Variants in NLRX1 observed in about 807,000 individuals in gnomAD.
NLRX1 encodes NLR family member X1, also known as NOD-like receptor X1.
In NLRX1, 67 loss-of-function variants were observed where a neutral mutation model predicts 74.2. That is an observed-to-expected ratio of 0.90 (90% CI 0.74 to 1.11). NLRX1 has a LOEUF of 1.11. Ranked by LOEUF, NLRX1 falls within the 50% of genes least tolerant of loss-of-function variation. The probability of loss-of-function intolerance (pLI) is 0.00; values close to 1 mark genes in which losing one functional copy is unlikely to be tolerated. For missense variants in NLRX1, 1,191 were observed against 1,305.4 expected (o/e 0.91, Z 1.35); for synonymous variants, 506 against 559.1 (o/e 0.91, Z 1.34).
rs896823609 is a variant in NLRX1 at position 119,180,149 on chromosome 11, C to T, written c.2128C>T (p.Pro710Ser). Residue 710 changes from proline to serine, a missense_variant, in exon 7 of 10, where the codon CCA (proline) becomes TCA (serine). Coordinates refer to ENST00000409109, the MANE Select transcript of NLRX1 (RefSeq NM_001282144.2). ...QLNLAGVRMT[P>S]VKCTVVAAVL... The stretch of plus-strand genomic sequence containing the variant: ...CAACCTGGCAGGTGTGCGCATGACA[C>T]CAGTCAAGTGCACAGTGGTGGCAGC... 3.1e-6 allele frequency: 5 copies of T among 1,613,262 alleles called. No individual in the cohort carries two copies. In the African/African-American group the frequency reaches 5.3e-5, roughly 17 times the overall value.
chr11:119,169,804 A>G (rs1178945211), intron 1 of NLRX1, among the ~76,000 whole-genome samples: 1 of 152,080 alleles, frequency 6.6e-6, no homozygotes, highest in Non-Finnish European at 1.5e-5. Context: ...ACCCTGGGCA[A>G]CAATGGTGAA....
chr11:119,182,604 G>C (rs1189383099), intron 9 of NLRX1, among the ~76,000 whole-genome samples: 2 of 152,132 alleles, frequency 1.3e-5, no homozygotes, highest in Admixed American at 1.3e-4. Flanking sequence ...TCTAGTATCA[G>C]GGTCGGCTGT....
Position 119,181,266 on chromosome 11 carries a change from C to T in NLRX1, c.2354+9C>T. On this transcript the variant is annotated intron_variant, in intron 8 of 9. Transcript: ENST00000409109. ...CAAATTACCACACTGCGGTGAGTGACCTGGGAGTGGGGCATCCTGGTGGCC... is the reference window on the plus strand; with the variant it reads ...CAAATTACCACACTGCGGTGAGTGATCTGGGAGTGGGGCATCCTGGTGGCC... The T allele has an allele frequency of 6.2e-7, 1 of 1,611,048 alleles. No homozygotes were observed. The highest frequency in any genetic ancestry group is 8.5e-7 in the Non-Finnish European group (1 of 1,177,572).
chr11:119,174,347 T>A, intron 5 of NLRX1, 106 bp from the exon 6 acceptor site: 1 of 1,205,398 alleles, frequency 8.3e-7, no homozygotes, highest in Non-Finnish European at 1.2e-6. Flanking sequence ...GTTATCCTCA[T>A]CAATGTCTTC....
chr11:119,183,017 A>G lies in NLRX1; in HGVS notation c.2607-101A>G. 9.4e-7 allele frequency: 1 copy of G among 1,058,720 alleles called. No individual in the cohort carries two copies. Among genetic ancestry groups the G allele is most frequent in the South Asian group, 1.6e-5 (1 of 64,302 alleles). 65.6% of individuals were successfully genotyped at this position (1,058,720 alleles called of 1,614,324 possible). A position where few individuals can be genotyped will look rare whatever the true frequency, so the allele number is the denominator to read the frequency against. ...AGTTACCTGATCGCACTCTGCAGCC[A>G]GGAGATGAGTTGTGAGGCCCCCTGA... On this transcript the variant is annotated intron_variant, in intron 9 of 9. Transcript: ENST00000409109. This position sits in a 1 kb window ranked among gnomAD's most constrained non-coding sequence, Gnocchi z 5.7.
Position 119,174,079 on chromosome 11 carries a change from G to A in NLRX1, c.830G>A (p.Arg277His), listed in dbSNP as rs574326225. 1.0e-4 allele frequency: 162 copies of A among 1,613,898 alleles called. No homozygotes were observed. Among genetic ancestry groups the A allele is most frequent in the Middle Eastern group, 6.6e-4 (4 of 6,060 alleles). Reference sequence around the variant, plus strand: ...GCTGCTATCATCGTCAACCTGCTGCGCAAATACATGCTGCCTCAGGTGGGT... The same window carrying A: ...GCTGCTATCATCGTCAACCTGCTGCACAAATACATGCTGCCTCAGGTGGGT... ...EPAAIIVNLL[R>H]KYMLPQASIL... is the part of the protein sequence containing the mutation. The change falls in exon 5 of 10, where the codon CGC becomes CAC. Residue 277 changes from arginine (R) to histidine (H), a missense_variant. By Grantham distance (29) the Arg-to-His change is conservative (BLOSUM62 0). Coordinates refer to ENST00000409109, the MANE Select transcript of NLRX1 (RefSeq NM_001282144.2).
In NLRX1 at chr11:119,182,083, C is replaced by T. The variant is rs751294957; in HGVS notation, c.2355-11C>T. 2.2e-5 allele frequency: 36 copies of T among 1,612,532 alleles called. No homozygotes were observed. Among genetic ancestry groups the T allele is most frequent in the East Asian group, 6.7e-5 (3 of 44,836 alleles). On this transcript the variant is annotated splice_polypyrimidine_tract_variant and intron_variant, in intron 8 of 9. Transcript: ENST00000409109. The stretch of plus-strand genomic sequence containing the variant: ...TGAGCCCTCATAACCTTGGGTTGCA[C>T]GTGGCTGTAGGCTGTCCAACAACCC...
rs1239867591 is a variant in NLRX1 at position 119,172,902 on chromosome 11, G to A, written c.142G>A (p.Ala48Thr). 1.2e-6 allele frequency: 2 copies of A among 1,613,136 alleles called. No individual in the cohort carries two copies. The highest frequency in any genetic ancestry group is 4.5e-5 in the East Asian group (2 of 44,846). ...CTCATCCCCTCTCCTTGTTCCCAGG[G>A]CCTTTATACGCCACCACGGAAGCTC... ...QGERPFGPPR[A>T]FIRHHGSSVD... Residue 48 changes from alanine (A) to threonine (T), a missense_variant and splice_region_variant, in exon 4 of 10, where the codon GCC becomes ACC. Transcript: ENST00000409109.
At chr11:119,181,452 G>A in intron 8 of NLRX1, 195 bp downstream of exon 8, 1 of 578,280 alleles carries the variant, frequency 1.7e-6, no homozygotes, top group Non-Finnish European at 3.1e-6. Context: ...CACCTGTAAT[G>A]GGTGCTAAGA....
rs768753625 is a variant in NLRX1, at chr11:119,172,364, A to C, written c.79A>C (p.Ile27Leu). 4.3e-6 allele frequency: 7 copies of C among 1,613,522 alleles called. No homozygotes were observed. The South Asian group carries it at 7.7e-5, about 18-fold the overall frequency. ...RRALQRPDDR[I>L]PFLIHWSWPL... ...CTTCCTTCTCTCTGTAGATGATCGT[A>C]TCCCCTTCCTGATCCACTGGAGTTG... is the stretch of plus-strand genomic sequence containing the variant. Residue 27 changes from isoleucine (I) to leucine (L), a missense_variant, in exon 3 of 10, where the codon ATC becomes CTC. Transcript: ENST00000409109.
chr11:119,183,384 G>A lies in NLRX1; in HGVS notation c.2873G>A (p.Arg958Gln), dbSNP rs749053272. 43 of 1,613,992 alleles carry A rather than the reference G, an allele frequency of 2.7e-5. No individual in the cohort carries two copies. In the Admixed American group the frequency reaches 3.2e-4, roughly 12 times the overall value. The change falls in exon 10 of 10, where the codon CGA becomes CAA. Residue 958 changes from arginine (R) to glutamine (Q), a missense_variant. Transcript: ENST00000409109. This position sits in a 1 kb window ranked among gnomAD's most constrained non-coding sequence, Gnocchi z 5.7. ...LNPWRKAQLLRVEGEVRALLE... is the reference protein window; with the variant it reads ...LNPWRKAQLLQVEGEVRALLE... The stretch of plus-strand genomic sequence containing the variant: ...CCTTGGCGCAAGGCCCAGCTGCTGC[G>A]AGTGGAGGGCGAGGTCAGGGCCCTC...
rs186154176 is a variant in NLRX1 at position 119,176,226 on chromosome 11, C to T, written c.1671+952C>T. On this transcript the variant is annotated intron_variant, in intron 6 of 9. Coordinates refer to ENST00000409109, the MANE Select transcript of NLRX1 (RefSeq NM_001282144.2). ...GGTTAGTGCTGGCAGAATTTCAACA[C>T]TTTTTAAAAATTTAAATGTATTTTT... Among the ~76,000 whole-genome samples, 28 of 152,246 alleles carry T rather than the reference C, an allele frequency of 1.8e-4. No homozygotes were observed. In the East Asian group the frequency reaches 5.2e-3, roughly 28 times the overall value.
intron 3 of NLRX1, 97 bp from the exon 4 acceptor site, chr11:119,172,804 C>CTG (rs1948586105): frequency 1.1e-6 from 1 of 896,822 alleles, no homozygotes; most frequent in African/African-American, 1.6e-5. Flanking sequence ...TCTCAGGAAA[C>CTG]CAGAAGTCTA....
At position 119,172,981 on chromosome 11, in the gene NLRX1, C is replaced by T. The variant is rs1242946167; in HGVS notation, c.221C>T (p.Ser74Phe). Residue 74 changes from serine to phenylalanine, a missense_variant, in exon 4 of 10, where the codon TCT becomes TTT. By Grantham distance (155) the Ser-to-Phe change is radical (BLOSUM62 -2). Coordinates refer to ENST00000409109, the MANE Select transcript of NLRX1 (RefSeq NM_001282144.2). ...CATGGACGGCTGTTCCCCAGCGCCTCTGCAACTGGTAAAGGGACTGGCTGG... is the reference window on the plus strand; with the variant it reads ...CATGGACGGCTGTTCCCCAGCGCCTTTGCAACTGGTAAAGGGACTGGCTGG... ...GRHGRLFPSA[S>F]ATEAIQRHRR... 2 of 1,613,272 alleles carry T rather than the reference C, an allele frequency of 1.2e-6. No homozygotes were observed. Among genetic ancestry groups the T allele is most frequent in the Non-Finnish European group, 1.7e-6 (2 of 1,179,556 alleles).
chr11:119,174,383 G>C (rs918454597), intron 5 of NLRX1, 70 bp from the exon 6 acceptor site: 1 of 1,484,416 alleles, frequency 6.7e-7, no homozygotes, highest in African/African-American at 1.4e-5. Context: ...GTCTTCAGGG[G>C]TCCCCTGGGA....
rs759512498 is a variant in NLRX1, at chr11:119,174,823, G to T, written c.1220G>T (p.Ser407Ile). The change falls in exon 6 of 10, where the codon AGC becomes ATC. Residue 407 changes from serine (S) to isoleucine (I), a missense_variant. Transcript: ENST00000409109. ...IYTSFLRLNF[S>I]GETLDSTDPS... The stretch of plus-strand genomic sequence containing the variant: ...ACCAGCTTCCTGCGCCTCAACTTCA[G>T]CGGGGAAACCCTGGACAGCACTGAC... 2 of 1,613,992 alleles carry T rather than the reference G, an allele frequency of 1.2e-6. No homozygotes were observed. Among genetic ancestry groups the T allele is most frequent in the Non-Finnish European group, 1.7e-6 (2 of 1,180,042 alleles).
Position 119,173,997 on chromosome 11 carries a change from G to A in NLRX1, c.748G>A (p.Asp250Asn), listed in dbSNP as rs1190680663. The part of the protein sequence containing the change: ...VLHGLEHLNL[D>N]FRLAGTGLCS... ...CCATGGCTTAGAGCATCTCAACCTC[G>A]ACTTCCGGCTGGCAGGCACGGGACT... The change falls in exon 5 of 10, where the codon GAC (aspartate) becomes AAC (asparagine). Residue 250 changes from aspartate to asparagine, a missense_variant. By Grantham distance (23) the Asp-to-Asn change is conservative. Transcript: ENST00000409109. This position sits in a 1 kb window ranked among gnomAD's most constrained non-coding sequence, Gnocchi z 4.0. 4.3e-6 allele frequency: 7 copies of A among 1,613,998 alleles called. No homozygotes were observed. Among genetic ancestry groups the A allele is most frequent in the African/African-American group, 2.7e-5 (2 of 74,906 alleles).
intron 6 of NLRX1, among the ~76,000 whole-genome samples, chr11:119,176,753 T>TG (rs1283230570): frequency 6.6e-6 from 1 of 152,160 alleles, no homozygotes; most frequent in African/African-American, 2.4e-5. Context: ...TTTGTAGAGA[T>TG]GGGGTCTCAC....
Position 119,183,418 on chromosome 11 carries a change from GC to G in NLRX1, c.2908del (p.Leu970TrpfsTer14), listed in dbSNP as rs1481248769. 1.2e-6 allele frequency: 2 copies of G among 1,612,750 alleles called. No individual in the cohort carries two copies. The highest frequency in any genetic ancestry group is 8.5e-7 in the Non-Finnish European group (1 of 1,179,668). ...EGEVRALLEQ[L>X]GSSGS ...GCGAGGTCAGGGCCCTCCTGGAGCA[GC>G]TGGGAAGCTCTGGAAGCTGAGACAC... On this transcript the variant is annotated frameshift_variant, in exon 10 of 10. Coordinates refer to ENST00000409109, the MANE Select transcript of NLRX1 (RefSeq NM_001282144.2). LOFTEE classifies it high-confidence loss of function. This position sits in a 1 kb window ranked among gnomAD's most constrained non-coding sequence, Gnocchi z 5.7.
Sources: allele counts gnomAD v4.1 joint callset (sites outside exome capture counted in the v4.1 genomes callset), GRCh38; gene constraint gnomAD v4.1.1; non-coding constraint Gnocchi (gnomAD v3.1); transcripts MANE v1.5; gene names NCBI Gene and HGNC (gene_info 2026-07-23, HGNC 2026-07-21).